RYR3: variants seen among roughly 807,000 people sequenced by gnomAD.
The protein encoded by RYR3 is brain ryanodine receptor-calcium release channel.
Under a neutral mutation model 584.3 loss-of-function variants are expected in RYR3, and 207 were observed. That is an observed-to-expected ratio of 0.35 (90% CI 0.32 to 0.40). The LOEUF is 0.40. Among genes scored for constraint, RYR3 ranks in the 10% least tolerant of loss-of-function variants. The pLI, the probability that RYR3 is intolerant of heterozygous loss-of-function variation, is 1.00. For synonymous variants in RYR3, 2,416 were observed against 2,248.5 expected, an observed-to-expected ratio of 1.07 and a Z score of -2.11; for missense variants, 5,616 against 6,089.2, an observed-to-expected ratio of 0.92 and a Z score of 2.59.
At chr15:33,529,782 G>A (rs1026543013) in intron 3 of RYR3, among the ~76,000 whole-genome samples, 6 of 152,112 alleles carry the variant, frequency 3.9e-5, no homozygotes, top group Admixed American at 6.5e-5. Context: ...TTTTCCATGC[G>A]ACCTACTCAC....
At chr15:33,638,278 T>C (rs1043916135) in intron 27 of RYR3, among the ~76,000 whole-genome samples, 9 of 152,206 alleles carry the variant, frequency 5.9e-5, no homozygotes, top group African/African-American at 9.6e-5. Context: ...CAGGGCAGTG[T>C]ACAAGGACAA....
intron 3 of RYR3, among the ~76,000 whole-genome samples, chr15:33,524,619 G>C (rs572920569): frequency 2.6e-5 from 4 of 151,962 alleles, no homozygotes; most frequent in African/African-American, 9.7e-5. Context: ...GTTGTATTCC[G>C]TACCACCTTG....
chr15:33,629,769 G>A (rs2061176791), intron 21 of RYR3, 171 bp from the exon 22 acceptor site: 1 of 540,632 alleles, frequency 1.8e-6, no homozygotes, highest in Non-Finnish European at 3.3e-6. Flanking sequence ...TGGAGACTGT[G>A]TGTCTCATTG....
intron 1 of RYR3, among the ~76,000 whole-genome samples, chr15:33,409,421 C>T (rs2043247939): frequency 6.6e-6 from 1 of 151,966 alleles, no homozygotes; most frequent in Non-Finnish European, 1.5e-5. Flanking sequence ...CTGCAGCTCT[C>T]TACTCTCTGA....
intron 68 of RYR3, 39 bp downstream of exon 68, chr15:33,800,896 G>A: frequency 1.5e-6 from 2 of 1,365,538 alleles, no homozygotes; most frequent in Non-Finnish European, 2.1e-6. Flanking sequence ...GAATGGTTGT[G>A]AAAGCTGCAG....
intron 12 of RYR3, among the ~76,000 whole-genome samples, chr15:33,579,061 A>G (rs866996723): frequency 1.3e-5 from 2 of 152,192 alleles, no homozygotes; most frequent in South Asian, 4.1e-4. Flanking sequence ...AACTTGCGGA[A>G]TAGGAGGAAC....
At chr15:33,735,537 A>C (rs1322074490) in intron 48 of RYR3, among the ~76,000 whole-genome samples, 1 of 152,130 alleles carries the variant, frequency 6.6e-6, no homozygotes, top group African/African-American at 2.4e-5. Context: ...ATGTGTGTAC[A>C]CCTTTCTCTG....
At chr15:33,861,982 G>T (rs1263500640) in intron 102 of RYR3, among the ~76,000 whole-genome samples, 1 of 151,980 alleles carries the variant, frequency 6.6e-6, no homozygotes, top group East Asian at 1.9e-4. Flanking sequence ...CAACTAATAA[G>T]TGTTTCACTT....
At chr15:33,627,132 G>A (rs2061032613) in intron 20 of RYR3, among the ~76,000 whole-genome samples, 1 of 152,134 alleles carries the variant, frequency 6.6e-6, no homozygotes, top group African/African-American at 2.4e-5. Flanking sequence ...TGAAATGGAT[G>A]GTTAGTTCTC....
intron 64 of RYR3, among the ~76,000 whole-genome samples, chr15:33,778,745 C>T (rs1409323851): frequency 3.9e-5 from 6 of 152,200 alleles, no homozygotes; most frequent in Non-Finnish European, 8.8e-5. Context: ...CTCCACTCTG[C>T]CTCTGGAGCA....
At position 33,613,177 on chromosome 15, in the gene RYR3, C is replaced by T. The variant is rs773031795; in HGVS notation, c.2165-6C>T. On this transcript the variant is annotated splice_polypyrimidine_tract_variant and splice_region_variant and intron_variant, in intron 18 of 103. Coordinates refer to ENST00000634891, the MANE Select transcript of RYR3 (RefSeq NM_001036.6). Reference sequence around the variant, plus strand: ...CACAGCCTTCTTCCTGTTCTTTCCTCACCAGGCCGGATACCCAGAGCTGTG... The same window carrying T: ...CACAGCCTTCTTCCTGTTCTTTCCTTACCAGGCCGGATACCCAGAGCTGTG... 5.0e-6 allele frequency: 8 copies of T among 1,612,026 alleles called. No homozygotes were observed. Among genetic ancestry groups the T allele is most frequent in the Non-Finnish European group, 6.8e-6 (8 of 1,178,576 alleles).
intron 52 of RYR3, among the ~76,000 whole-genome samples, chr15:33,743,361 C>G (rs1186801227): frequency 6.6e-6 from 1 of 152,188 alleles, no homozygotes; most frequent in Admixed American, 6.5e-5. Flanking sequence ...GCTGAATGGT[C>G]AACATTTGAG....
intron 86 of RYR3, among the ~76,000 whole-genome samples, chr15:33,833,050 A>C (rs1369985975): frequency 1.3e-5 from 2 of 151,262 alleles, no homozygotes; most frequent in East Asian, 3.9e-4. Context: ...TCTCCATAGG[A>C]CCACGTAGGC....
intron 3 of RYR3, among the ~76,000 whole-genome samples, chr15:33,526,700 C>A (rs954249350): frequency 6.6e-6 from 1 of 151,722 alleles, no homozygotes; most frequent in Non-Finnish European, 1.5e-5. Flanking sequence ...TAATTACTTA[C>A]TCATTCAGGA....
chr15:33,684,603 C>T (rs2064859079), intron 38 of RYR3, among the ~76,000 whole-genome samples: 1 of 152,094 alleles, frequency 6.6e-6, no homozygotes, highest in African/African-American at 2.4e-5. Flanking sequence ...ACAGAGAACA[C>T]CACAAAGATA....
chr15:33,591,955 T>C (rs1164289768), intron 16 of RYR3, among the ~76,000 whole-genome samples: 2 of 152,198 alleles, frequency 1.3e-5, no homozygotes, highest in African/African-American at 4.8e-5. Flanking sequence ...CCAAACAGTG[T>C]TTCCGTAGGT....
At chr15:33,460,339 C>T (rs534548996) in intron 1 of RYR3, among the ~76,000 whole-genome samples, 1 of 152,238 alleles carries the variant, frequency 6.6e-6, no homozygotes, top group Non-Finnish European at 1.5e-5. Flanking sequence ...ACTAGTATCA[C>T]TAAGTGGGAG....
At position 33,572,638 on chromosome 15, in the gene RYR3, TAAA is replaced by T. The variant is rs71117149; in HGVS notation, c.1268+5849_1268+5851del. Among the ~76,000 whole-genome samples the T allele has an allele frequency of 4.5e-3, 457 of 101,590 alleles. 6 individuals carry two copies. The highest frequency in any genetic ancestry group is 0.018 in the African/African-American group (432 of 23,760). 66.6% of individuals were successfully genotyped at this position (101,590 alleles called of 152,430 possible). A position where few individuals can be genotyped will look rare whatever the true frequency, so the allele number is the denominator to read the frequency against. On this transcript the variant is annotated intron_variant, in intron 12 of 103. Transcript: ENST00000634891. ...CTGTTCTTCCTAAGGCTCATTAAAT[TAAA>T]AAAAAAAAACTATATATACACACAC...
chr15:33,657,418 A>AGTTT (rs1216814743), intron 32 of RYR3, among the ~76,000 whole-genome samples: 15 of 152,168 alleles, frequency 9.9e-5, no homozygotes, highest in African/African-American at 2.7e-4. Context: ...GTCCAGATGA[A>AGTTT]GTTTCCTCAG....
Sources: gnomAD v4.1 joint callset for allele counts (sites outside exome capture counted in the v4.1 genomes callset) on GRCh38, gnomAD v4.1.1 for gene constraint, MANE v1.5 for transcripts, NCBI Gene and HGNC (gene_info 2026-07-23, HGNC 2026-07-21) for gene names.